The following MED12L variants were observed in gnomAD, a reference collection of about 807,000 sequenced individuals.
MED12L encodes mediator of RNA polymerase II transcription subunit 12-like protein.
A neutral mutation model predicts 281.3 loss-of-function variants in MED12L; 60 were observed. That is an observed-to-expected ratio of 0.21 (90% CI 0.17 to 0.26). The LOEUF is 0.26. Ranked by LOEUF, MED12L falls within the 10% of genes least tolerant of loss-of-function variation. The pLI is 1.00. For missense variants in MED12L, 2,146 were observed against 2,680.9 expected (o/e 0.80, Z 4.41); for synonymous variants, 974 against 987.2 (o/e 0.99, Z 0.25).
intron 36 of MED12L, among the ~76,000 whole-genome samples, chr3:151,385,688 G>A (rs1713203384): frequency 6.7e-6 from 1 of 149,708 alleles, no homozygotes; most frequent in Admixed American, 6.7e-5. Context: ...ACCCTAGCCT[G>A]GGCAACAAAG....
At chr3:151,394,535 A>AT (rs1375665782) in intron 38 of MED12L, 121 bp from the exon 39 acceptor site, 52 of 1,484,426 alleles carry the variant, frequency 3.5e-5, no homozygotes, top group Non-Finnish European at 4.6e-5. Flanking sequence ...GGGACAGTGC[A>AT]TTTTTTTCTA....
intron 16 of MED12L, among the ~76,000 whole-genome samples, chr3:151,287,218 A>G (rs772072489): frequency 3.9e-5 from 6 of 152,248 alleles, no homozygotes; most frequent in Non-Finnish European, 8.8e-5. Context: ...TAGTATTGCC[A>G]TCAATGTAAA....
chr3:151,098,846 G>A (rs537348041), intron 2 of MED12L, among the ~76,000 whole-genome samples: 1 of 152,226 alleles, frequency 6.6e-6, no homozygotes, highest in African/African-American at 2.4e-5. Context: ...CTGATAAAAC[G>A]ACATACCTGA....
chr3:151,121,182 G>A (rs1274309144), intron 3 of MED12L, among the ~76,000 whole-genome samples: 3 of 152,284 alleles, frequency 2.0e-5, no homozygotes, highest in Non-Finnish European at 2.9e-5. Context: ...ACAATTGGCT[G>A]CTACTGGCTG....
intron 16 of MED12L, among the ~76,000 whole-genome samples, chr3:151,206,264 GT>G (rs975296764): frequency 6.7e-6 from 1 of 149,262 alleles, no homozygotes; most frequent in Non-Finnish European, 1.5e-5. Flanking sequence ...ATTCTGCCTT[GT>G]TTTTTTTTCT....
chr3:151,233,155 C>T (rs1334162377), intron 16 of MED12L, among the ~76,000 whole-genome samples: 7 of 152,120 alleles, frequency 4.6e-5, no homozygotes, highest in Non-Finnish European at 8.8e-5. Flanking sequence ...TTCTGCAGAT[C>T]TGGGTCATTT....
Position 151,435,556 on chromosome 3 carries a change from CGGTTT to C in MED12L, c.*2753_*2757del, listed in dbSNP as rs1560164826. 1.3e-5 allele frequency: 2 copies of C among 152,068 alleles called. No individual in the cohort carries two copies. The highest frequency in any genetic ancestry group is 4.8e-5 in the African/African-American group (2 of 41,426). 9.4% of individuals were successfully genotyped at this position (152,068 alleles called of 1,614,324 possible). A position where few individuals can be genotyped will look rare whatever the true frequency, so the allele number is the denominator to read the frequency against. On this transcript the variant is annotated 3_prime_UTR_variant, in exon 45 of 45. Transcript: ENST00000687756. Reference sequence around the variant, plus strand: ...CAGGGGCTAACTTATTAGTAATTCTCGGTTTTGTGCACTGAGATATCTAAGACCTA... The same window carrying C: ...CAGGGGCTAACTTATTAGTAATTCTCTGTGCACTGAGATATCTAAGACCTA...
At chr3:151,185,581 A>T in intron 12 of MED12L, 120 bp downstream of exon 12, 1 of 1,104,856 alleles carries the variant, frequency 9.1e-7, no homozygotes, top group Non-Finnish European at 1.3e-6. Context: ...AAAAGGGAGG[A>T]TGTAAAAATT....
intron 33 of MED12L, among the ~76,000 whole-genome samples, chr3:151,382,988 A>G (rs997056892): frequency 7.9e-5 from 12 of 152,098 alleles, no homozygotes; most frequent in African/African-American, 2.9e-4. Flanking sequence ...CTCTACCTCT[A>G]CCCCAGTGAA....
intron 16 of MED12L, among the ~76,000 whole-genome samples, chr3:151,242,213 G>A (rs1167516942): frequency 6.6e-6 from 1 of 152,242 alleles, no homozygotes; most frequent in Non-Finnish European, 1.5e-5. Context: ...GCCCGCCATT[G>A]CCCAGGCTTG....
In MED12L at chr3:151,387,743, T is replaced by C; in HGVS notation, c.5089-67T>C. 9 of 1,528,322 alleles carry C rather than the reference T, an allele frequency of 5.9e-6. 1 individual carries two copies. The South Asian group carries it at 9.1e-5, about 15-fold the overall frequency. The allele number at this position is 1,528,322 out of a possible 1,614,324, so 94.7% of individuals were successfully genotyped here. On this transcript the variant is annotated intron_variant, in intron 36 of 44. Transcript: ENST00000687756. ...AAGTGTTCTCTGACTCCATGTCCCA[T>C]ACAAGCCTGGCCTATGAATAAGGAA...
intron 14 of MED12L, 135 bp from the exon 15 acceptor site, chr3:151,192,415 C>A: frequency 1.5e-6 from 1 of 663,394 alleles, no homozygotes. Context: ...AAGCTTCCTT[C>A]AATTTGCGGG....
chr3:151,231,935 A>G (rs1731753862), intron 16 of MED12L, among the ~76,000 whole-genome samples: 1 of 152,230 alleles, frequency 6.6e-6, no homozygotes, highest in Non-Finnish European at 1.5e-5. Context: ...ATGTTTGTAT[A>G]AACTTGTGTA....
intron 32 of MED12L, among the ~76,000 whole-genome samples, chr3:151,381,340 T>A (rs1234754340): frequency 6.6e-6 from 1 of 152,228 alleles, no homozygotes; most frequent in African/African-American, 2.4e-5. Flanking sequence ...TGAACCTTTT[T>A]AAATGGAAGT....
intron 2 of MED12L, among the ~76,000 whole-genome samples, chr3:151,116,064 CAAAAA>C (rs59017489): frequency 4.1e-4 from 38 of 92,282 alleles, no homozygotes; most frequent in South Asian, 1.1e-3. Flanking sequence ...ACTCCATCTC[CAAAAA>C]AAAAAAAAAA....
intron 16 of MED12L, among the ~76,000 whole-genome samples, chr3:151,329,948 G>A (rs1193859945): frequency 6.6e-6 from 1 of 152,090 alleles, no homozygotes; most frequent in African/African-American, 2.4e-5. Context: ...TCAGGAAGAC[G>A]GTATGTTTAT....
At chr3:151,168,484 G>C (rs1720997066) in intron 11 of MED12L, among the ~76,000 whole-genome samples, 1 of 152,134 alleles carries the variant, frequency 6.6e-6, no homozygotes, top group Non-Finnish European at 1.5e-5. Flanking sequence ...GGCGACATGT[G>C]CTCAGGACTG....
intron 20 of MED12L, among the ~76,000 whole-genome samples, chr3:151,360,260 A>G (rs1754447741): frequency 1.3e-5 from 2 of 152,140 alleles, no homozygotes; most frequent in South Asian, 2.1e-4. Context: ...TCTTGTCATC[A>G]GTGACATTTC....
At chr3:151,370,251 T>C (rs1017205911) in intron 26 of MED12L, among the ~76,000 whole-genome samples, 1 of 152,168 alleles carries the variant, frequency 6.6e-6, no homozygotes, top group Admixed American at 6.5e-5. Flanking sequence ...GATTAGGAAG[T>C]CTTCAAGTCA....
Sources: allele counts gnomAD v4.1 joint callset (sites outside exome capture counted in the v4.1 genomes callset), GRCh38; gene constraint gnomAD v4.1.1; transcripts MANE v1.5; gene names NCBI Gene and HGNC (gene_info 2026-07-23, HGNC 2026-07-21).